Variants in RAP1GAP2 observed in about 807,000 individuals in gnomAD.
RAP1GAP2 encodes RAP1 GTPase activating protein 2.
A neutral mutation model predicts 95.0 loss-of-function variants in RAP1GAP2; 27 were observed. The ratio of observed to expected loss-of-function variants is 0.28; its 90% CI spans 0.21 to 0.39. The LOEUF (loss-of-function observed/expected upper bound fraction) is 0.39. Among genes scored for constraint, RAP1GAP2 ranks in the 10% least tolerant of loss-of-function variants. The pLI, the probability that RAP1GAP2 is intolerant of heterozygous loss-of-function variation, is 1.00. For synonymous variants in RAP1GAP2, 373 were observed against 380.9 expected, an observed-to-expected ratio of 0.98 and a Z score of 0.24; for missense variants, 771 against 970.0, an observed-to-expected ratio of 0.79 and a Z score of 2.72.
intron 2 of RAP1GAP2, among the ~76,000 whole-genome samples, chr17:2,869,864 C>T (rs572059342): frequency 4.6e-5 from 7 of 152,292 alleles, no homozygotes; most frequent in Admixed American, 1.3e-4. Context: ...ATCTGGTGAG[C>T]GGGGACGTAT....
intron 1 of RAP1GAP2, among the ~76,000 whole-genome samples, chr17:2,766,365 G>T (rs79301033): frequency 6.6e-6 from 1 of 152,196 alleles, no homozygotes; most frequent in Non-Finnish European, 1.5e-5. Flanking sequence ...ACATCCAGAC[G>T]CACTGGCTCA....
At chr17:2,987,341 C>T (rs150808937) in intron 11 of RAP1GAP2, among the ~76,000 whole-genome samples, 1 of 152,290 alleles carries the variant, frequency 6.6e-6, no homozygotes, top group Non-Finnish European at 1.5e-5. Context: ...TTGTTTTAAA[C>T]TTACATACAT....
intron 19 of RAP1GAP2, among the ~76,000 whole-genome samples, chr17:3,022,933 ATTC>A (rs367806303): frequency 3.3e-4 from 50 of 152,302 alleles, no homozygotes; most frequent in African/African-American, 1.2e-3. Context: ...GTCTGGTTTT[ATTC>A]TTCTGTATAT....
At chr17:2,812,439 C>G (rs1315636137) in intron 2 of RAP1GAP2, among the ~76,000 whole-genome samples, 1 of 152,156 alleles carries the variant, frequency 6.6e-6, no homozygotes, top group African/African-American at 2.4e-5. Flanking sequence ...CCAGCTGTGA[C>G]TAACTCTTCA....
chr17:2,771,171 A>G (rs1483580777), intron 2 of RAP1GAP2, among the ~76,000 whole-genome samples: 1 of 152,166 alleles, frequency 6.6e-6, no homozygotes, highest in East Asian at 1.9e-4. Context: ...AGTGGCAGGT[A>G]AATTTGCTGG....
At chr17:2,969,432 AACAC>A (rs34917196) in intron 8 of RAP1GAP2, among the ~76,000 whole-genome samples, 1 of 146,360 alleles carries the variant, frequency 6.8e-6, no homozygotes, top group Non-Finnish European at 1.5e-5. Flanking sequence ...AACCATTTGA[AACAC>A]ACACACACAC....
intron 10 of RAP1GAP2, among the ~76,000 whole-genome samples, chr17:2,982,739 T>G (rs1480372907): frequency 6.6e-6 from 1 of 150,488 alleles, no homozygotes; most frequent in Non-Finnish European, 1.5e-5. Flanking sequence ...CAATTTTGGT[T>G]GTCAAATCTT....
chr17:2,800,818 CT>C (rs1169312267), intron 2 of RAP1GAP2, among the ~76,000 whole-genome samples: 1 of 148,808 alleles, frequency 6.7e-6, no homozygotes, highest in Non-Finnish European at 1.5e-5. Context: ...TCCCATTATT[CT>C]TTTTTTTCTT....
chr17:2,955,514 A>T (rs1300149574), intron 3 of RAP1GAP2, among the ~76,000 whole-genome samples: 2 of 152,056 alleles, frequency 1.3e-5, no homozygotes, highest in Non-Finnish European at 2.9e-5. Context: ...TTTTGTAGAG[A>T]CACGTCCTTT....
intron 17 of RAP1GAP2, among the ~76,000 whole-genome samples, chr17:3,013,234 G>A (rs192941213): frequency 2.0e-4 from 31 of 152,272 alleles, no homozygotes; most frequent in Non-Finnish European, 2.9e-4. Context: ...CCTGTAAGCC[G>A]GTCCCCCTAG....
In RAP1GAP2 at chr17:2,904,058, C is replaced by A. The variant is rs1253114429; in HGVS notation, c.81-1226C>A. 6.6e-6 allele frequency among the ~76,000 whole-genome samples: 1 copy of A among 152,190 alleles called. No homozygotes were observed. Among genetic ancestry groups the A allele is most frequent in the African/African-American group, 2.4e-5 (1 of 41,452 alleles). The stretch of plus-strand genomic sequence containing the variant: ...ACGCAGGACCTGGGGGTTGGGCTGA[C>A]TCTCTCTGCTGCTTCAGAGCGGGGC... On this transcript the variant is annotated intron_variant, in intron 2 of 24. Transcript: ENST00000254695. The surrounding 1 kb of genome is among the most constrained non-coding windows in gnomAD (Gnocchi z 4.7).
rs1363363543 is a variant in RAP1GAP2 at position 2,849,998 on chromosome 17, G to GTTTTTTTTTTTTTTTTTTTTTTT, written c.80+49448_80+49449insTTTTTTTTTTTTTTTTTTTTTTT. ...GTGTCACTAACACCTAACACTGCCT[G>GTTTTTTTTTTTTTTTTTTTTTTT]CTTTTTTTTTTTTTTTTTTTGAGAT... On this transcript the variant is annotated intron_variant, in intron 2 of 24. Transcript: ENST00000254695. Among the ~76,000 whole-genome samples the GTTTTTTTTTTTTTTTTTTTTTTT allele has an allele frequency of 8.1e-5, 11 of 136,130 alleles. 3 individuals are homozygous for GTTTTTTTTTTTTTTTTTTTTTTT. Among genetic ancestry groups the GTTTTTTTTTTTTTTTTTTTTTTT allele is most frequent in the Non-Finnish European group, 6.3e-5 (4 of 63,960 alleles). 89.3% of individuals were successfully genotyped at this position (136,130 alleles called of 152,430 possible).
At chr17:2,828,272 C>T (rs568162665) in intron 2 of RAP1GAP2, among the ~76,000 whole-genome samples, 15 of 152,100 alleles carry the variant, frequency 9.9e-5, no homozygotes, top group South Asian at 8.3e-4. Context: ...ACCTGGGAGG[C>T]GGAGGTTGCA....
intron 14 of RAP1GAP2, among the ~76,000 whole-genome samples, chr17:2,998,893 C>T (rs1269213203): frequency 2.0e-5 from 3 of 151,796 alleles, no homozygotes; most frequent in Non-Finnish European, 2.9e-5. Context: ...GTGGAAAGGA[C>T]GAGCAGGAAA....
intron 2 of RAP1GAP2, among the ~76,000 whole-genome samples, chr17:2,847,303 G>A (rs988972158): frequency 6.6e-6 from 1 of 152,092 alleles, no homozygotes; most frequent in South Asian, 2.1e-4. Context: ...CACCGCGCCC[G>A]GCATCAAACC....
intron 2 of RAP1GAP2, among the ~76,000 whole-genome samples, chr17:2,805,583 G>A (rs2069480735): frequency 6.6e-6 from 1 of 151,926 alleles, no homozygotes; most frequent in African/African-American, 2.4e-5. Flanking sequence ...ATGTTGGCCA[G>A]GCTGATCTCG....
chr17:2,998,113 C>A, intron 13 of RAP1GAP2, 108 bp from the exon 14 acceptor site: 1 of 1,261,052 alleles, frequency 7.9e-7, no homozygotes, highest in Non-Finnish European at 1.1e-6. Context: ...TCTTCTCACT[C>A]AGAATTCAGT....
At chr17:2,844,415 C>T (rs576396437) in intron 2 of RAP1GAP2, among the ~76,000 whole-genome samples, 10 of 152,212 alleles carry the variant, frequency 6.6e-5, no homozygotes, top group African/African-American at 2.4e-4. Context: ...GAGTTGCTTA[C>T]ACGAAAGAGC....
Position 3,008,278 on chromosome 17 carries a change from A to T in RAP1GAP2, c.1494+133A>T. On this transcript the variant is annotated intron_variant, in intron 17 of 24. Transcript: ENST00000254695. This position sits in a 1 kb window ranked among gnomAD's most constrained non-coding sequence, Gnocchi z 4.2. ...GAGGGGTGACAGGAAACGTATGGGT[A>T]TCCTAGGTGTTTGCAAAGGGCAGGG... 7.5e-7 allele frequency: 1 copy of T among 1,337,348 alleles called. No homozygotes were observed. The highest frequency in any genetic ancestry group is 1.0e-6 in the Non-Finnish European group (1 of 972,880). The allele number at this position is 1,337,348 out of a possible 1,614,324, so 82.8% of individuals were successfully genotyped here. A position where few individuals can be genotyped will look rare whatever the true frequency, so the allele number is the denominator to read the frequency against.
Sources: gnomAD v4.1 joint callset for allele counts (sites outside exome capture counted in the v4.1 genomes callset) on GRCh38, gnomAD v4.1.1 for gene constraint, Gnocchi (gnomAD v3.1) non-coding constraint, MANE v1.5 for transcripts, NCBI Gene and HGNC (gene_info 2026-07-23, HGNC 2026-07-21) for gene names.